Variants in DCBLD1 observed in about 807,000 individuals in gnomAD.
The protein encoded by DCBLD1 is discoidin, CUB and LCCL domain-containing protein 1.
In DCBLD1, 57 loss-of-function variants were observed where a neutral mutation model predicts 71.5. The observed-to-expected ratio is 0.80, with a 90% CI of 0.64 to 0.99. DCBLD1 has a LOEUF of 0.99. DCBLD1 is among the 50% of genes least tolerant of loss of function. The pLI is 0.00. For synonymous variants in DCBLD1, 380 were observed against 363.8 expected, an observed-to-expected ratio of 1.04 and a Z score of -0.51; for missense variants, 891 against 923.5, an observed-to-expected ratio of 0.96 and a Z score of 0.46.
chr6:117,554,985 A>T (rs2114587902), intron 14 of DCBLD1, among the ~76,000 whole-genome samples: 1 of 152,066 alleles, frequency 6.6e-6, no homozygotes, highest in South Asian at 2.1e-4. Context: ...ACAATTTAGA[A>T]TTTTTCTTCC....
intron 14 of DCBLD1, chr6:117,561,394 A>G (rs573169939): frequency 1.8e-5 from 4 of 224,436 alleles, no homozygotes; most frequent in South Asian, 1.8e-4. Flanking sequence ...TGGCCATTCC[A>G]TCCCAGGCTG....
At chr6:117,526,502 G>A (rs1200901101) in intron 5 of DCBLD1, among the ~76,000 whole-genome samples, 1 of 152,112 alleles carries the variant, frequency 6.6e-6, no homozygotes, top group Non-Finnish European at 1.5e-5. Context: ...TGTACAATAA[G>A]AGAAATAGCA....
downstream of DCBLD1, among the ~76,000 whole-genome samples, chr6:117,551,777 A>C (rs982085855): frequency 1.9e-4 from 29 of 152,234 alleles, no homozygotes; most frequent in Middle Eastern, 3.4e-3. Flanking sequence ...TTTTCTTCTT[A>C]TTTAGTCCGC....
At chr6:117,540,340 G>C (rs1583026573) in intron 9 of DCBLD1, 1 of 218,060 alleles carries the variant, frequency 4.6e-6, no homozygotes, top group African/African-American at 2.3e-5. Flanking sequence ...GCAAAAGTGA[G>C]AGAGCTGAAG....
In DCBLD1 at chr6:117,508,494, C is replaced by A. The variant is rs564624528; in HGVS notation, c.325+4515C>A. On this transcript the variant is annotated intron_variant, in intron 2 of 14. Transcript: ENST00000338728. The stretch of plus-strand genomic sequence containing the variant: ...TATATAATGTTGTATTTATTTATAA[C>A]ACTGAAGAGGGAAGACTTTGCATTC... 3.3e-5 allele frequency among the ~76,000 whole-genome samples: 5 copies of A among 152,206 alleles called. No individual in the cohort carries two copies. The South Asian group carries it at 8.3e-4, about 25-fold the overall frequency.
intron 2 of DCBLD1, 137 bp downstream of exon 2, chr6:117,504,116 CTT>C: frequency 1.1e-6 from 1 of 915,068 alleles, no homozygotes; most frequent in Non-Finnish European, 1.6e-6. Flanking sequence ...TTGGGGGTAA[CTT>C]AGAAGGATAC....
chr6:117,484,483 A>G lies in DCBLD1; in HGVS notation c.112+1590A>G, dbSNP rs182202244. Reference sequence around the variant, plus strand: ...CCCACCTCAGCCTCCTGAGTAGCTGACACTACAGGTGCATCCCACCACACC... The same window carrying G: ...CCCACCTCAGCCTCCTGAGTAGCTGGCACTACAGGTGCATCCCACCACACC... On this transcript the variant is annotated intron_variant, in intron 1 of 14. Transcript: ENST00000338728. Among the ~76,000 whole-genome samples, 804 of 151,944 alleles carry G rather than the reference A, an allele frequency of 5.3e-3. 5 individuals are homozygous for G. The highest frequency in any genetic ancestry group is 7.7e-3 in the Non-Finnish European group (523 of 67,874).
intron 2 of DCBLD1, among the ~76,000 whole-genome samples, chr6:117,510,331 A>C (rs572082257): frequency 4.7e-5 from 7 of 149,310 alleles, no homozygotes; most frequent in Admixed American, 3.3e-4. Flanking sequence ...CTTCTAACAC[A>C]CACAGACACA....
Position 117,525,368 on chromosome 6 carries a change from C to A in DCBLD1, c.519C>A (p.Phe173Leu). 1 of 1,461,420 alleles carries A rather than the reference C, an allele frequency of 6.8e-7. No homozygotes were observed. The highest frequency in any genetic ancestry group is 9.0e-7 in the Non-Finnish European group (1 of 1,106,338). The allele number at this position is 1,461,420 out of a possible 1,614,324, so 90.5% of individuals were successfully genotyped here. Residue 173 changes from phenylalanine (F) to leucine (L), a missense_variant, in exon 5 of 15, where the codon TTC (phenylalanine) becomes TTA (leucine). Coordinates refer to ENST00000338728, the MANE Select transcript of DCBLD1 (RefSeq NM_001366458.2). ...TTTATTTTTCTTTTTCCAGCAAATTCTGCCCAGCTGGTTGTAGAGACGTAG... is the reference window on the plus strand; with the variant it reads ...TTTATTTTTCTTTTTCCAGCAAATTATGCCCAGCTGGTTGTAGAGACGTAG... Reference protein sequence around the residue: ...SHYLKTEYSKFCPAGCRDVAG... With the variant: ...SHYLKTEYSKLCPAGCRDVAG...
chr6:117,504,138 A>G (rs779616908), intron 2 of DCBLD1, among the ~76,000 whole-genome samples, 159 bp downstream of exon 2: 2 of 152,252 alleles, frequency 1.3e-5, no homozygotes, highest in African/African-American at 4.8e-5. Flanking sequence ...CATTTGCTTC[A>G]TAAGCTGAAA....
At chr6:117,511,527 A>G (rs148107831) in intron 2 of DCBLD1, among the ~76,000 whole-genome samples, 10 of 152,260 alleles carry the variant, frequency 6.6e-5, no homozygotes, top group Admixed American at 6.5e-4. Context: ...CAATCATGTG[A>G]AGTCAACTGT....
At chr6:117,492,618 T>A (rs1777331012) in intron 1 of DCBLD1, among the ~76,000 whole-genome samples, 1 of 152,188 alleles carries the variant, frequency 6.6e-6, no homozygotes, top group Non-Finnish European at 1.5e-5. Context: ...TTTAAAGTCC[T>A]TACTGGTAGC....
At chr6:117,486,245 T>A (rs1777081416) in intron 1 of DCBLD1, among the ~76,000 whole-genome samples, 1 of 152,238 alleles carries the variant, frequency 6.6e-6, no homozygotes, top group Non-Finnish European at 1.5e-5. Flanking sequence ...ATTGCAGCAT[T>A]TAGCAAAGGT....
chr6:117,537,636 TCCTTTTTTCTCAGGTTACATAGCACC>T (rs1562457253), intron 7 of DCBLD1, among the ~76,000 whole-genome samples: 8 of 134,168 alleles, frequency 6.0e-5, no homozygotes, highest in East Asian at 2.1e-4. Context: ...TTTTTTTTTT[TCCTTTTTTCTCAGGTTACATAGCACC>T]TTTTTTTTTT....
chr6:117,540,939 G>T lies in DCBLD1; in HGVS notation c.1271G>T (p.Arg424Leu), dbSNP rs138390701. Reference protein sequence around the residue: ...ITQGNDSLVWRKTSQSTSVST... With the variant: ...ITQGNDSLVWLKTSQSTSVST... The stretch of plus-strand genomic sequence containing the variant: ...TCAGGTAATGATTCATTGGTGTGGC[G>T]CAAGACAAGTCAAAGCACCAGTGTT... The change falls in exon 11 of 15, where the codon CGC becomes CTC. Residue 424 changes from arginine to leucine, a missense_variant. Arg to Leu is a moderately radical substitution (Grantham distance 102, BLOSUM62 -2). Coordinates refer to ENST00000338728, the MANE Select transcript of DCBLD1 (RefSeq NM_001366458.2). The T allele has an allele frequency of 1.9e-6, 3 of 1,613,798 alleles. No homozygotes were observed. The Admixed American group carries it at 5.0e-5, about 27-fold the overall frequency.
At chr6:117,523,618 C>A (rs1306334861) in intron 4 of DCBLD1, among the ~76,000 whole-genome samples, 1 of 152,152 alleles carries the variant, frequency 6.6e-6, no homozygotes, top group Non-Finnish European at 1.5e-5. Context: ...AATTGTTACC[C>A]TGTAATGGGA....
chr6:117,519,124 G>A (rs1288574119), intron 2 of DCBLD1, among the ~76,000 whole-genome samples: 1 of 152,146 alleles, frequency 6.6e-6, no homozygotes, highest in Non-Finnish European at 1.5e-5. Flanking sequence ...CTTAGGAAGA[G>A]TTTTCGTTAT....
At chr6:117,499,956 T>G (rs1206067101) in intron 1 of DCBLD1, among the ~76,000 whole-genome samples, 1 of 152,188 alleles carries the variant, frequency 6.6e-6, no homozygotes, top group African/African-American at 2.4e-5. Context: ...AGGCGGAGGT[T>G]GCGGTGAGCT....
chr6:117,538,973 A>G, intron 8 of DCBLD1, 138 bp downstream of exon 8: 1 of 934,494 alleles, frequency 1.1e-6, no homozygotes, highest in Non-Finnish European at 1.6e-6. Flanking sequence ...AAAATGTAAC[A>G]AATCTTTACA....
Sources: allele counts gnomAD v4.1 joint callset (sites outside exome capture counted in the v4.1 genomes callset), GRCh38; gene constraint gnomAD v4.1.1; transcripts MANE v1.5; gene names NCBI Gene and HGNC (gene_info 2026-07-23, HGNC 2026-07-21).